Variants in RANGAP1 observed in about 807,000 individuals in gnomAD.
The protein encoded by RANGAP1 is ran GTPase-activating protein 1.
RANGAP1 carries 38 observed loss-of-function variants against 63.5 expected under a neutral mutation model. The ratio of observed to expected loss-of-function variants is 0.60; its 90% confidence interval spans 0.46 to 0.78. The LOEUF (loss-of-function observed/expected upper bound fraction) is 0.78. Among genes scored for constraint, RANGAP1 ranks in the 30% least tolerant of loss-of-function variants. The pLI, the probability that RANGAP1 is intolerant of heterozygous loss-of-function variation, is 0.00. For synonymous variants in RANGAP1, 329 were observed against 310.5 expected (o/e 1.06, Z -0.63); for missense variants, 630 against 740.3 (o/e 0.85, Z 1.73).
At position 41,245,860 on chromosome 22, in the gene RANGAP1, C is replaced by G. The variant is rs998867407; in HGVS notation, c.*743G>C. ...ACAGCTTTGGGTTGTCAACACTCCCCCTCCAGCCAGGCCAGTCACAGACGA... is the reference window on the plus strand; with the variant it reads ...ACAGCTTTGGGTTGTCAACACTCCCGCTCCAGCCAGGCCAGTCACAGACGA... On this transcript the variant is annotated 3_prime_UTR_variant, in exon 16 of 16. Coordinates refer to ENST00000356244, the MANE Select transcript of RANGAP1 (RefSeq NM_002883.4). 2 of 152,660 alleles carry G rather than the reference C, an allele frequency of 1.3e-5. No individual in the cohort carries two copies. Among genetic ancestry groups the G allele is most frequent in the African/African-American group, 2.4e-5 (1 of 41,450 alleles). 9.5% of individuals were successfully genotyped at this position (152,660 alleles called of 1,614,324 possible). A position where few individuals can be genotyped will look rare whatever the true frequency, so the allele number is the denominator to read the frequency against.
intron 2 of RANGAP1, among the ~76,000 whole-genome samples, chr22:41,277,299 C>T (rs573434644): frequency 4.0e-5 from 6 of 151,896 alleles, no homozygotes; most frequent in African/African-American, 7.2e-5. Context: ...AGGATGGTCT[C>T]GATCTCCTGA....
Position 41,254,434 on chromosome 22 carries a change from T to C in RANGAP1, c.1134A>G (p.Glu378=), listed in dbSNP as rs767378197. 14 of 1,611,856 alleles carry C rather than the reference T, an allele frequency of 8.7e-6. No homozygotes were observed. The East Asian group carries it at 8.9e-5, about 10-fold the overall frequency. The change falls in exon 11 of 16, where the codon GAA becomes GAG. Residue 378 remains glutamate, a synonymous_variant. Coordinates refer to ENST00000356244, the MANE Select transcript of RANGAP1 (RefSeq NM_002883.4). ...CCTCTTCCTCATCTTCCTCCTCCTCTTCTTCTGCTTCCTCTTCTTCCTCTT... is the reference window on the plus strand; with the variant it reads ...CCTCTTCCTCATCTTCCTCCTCCTCCTCTTCTGCTTCCTCTTCTTCCTCTT... ...EGEEEEEEAE[E]EEEEDEEEEE...
intron 2 of RANGAP1, among the ~76,000 whole-genome samples, chr22:41,278,604 A>G (rs1178206049): frequency 6.6e-6 from 1 of 152,256 alleles, no homozygotes; most frequent in African/African-American, 2.4e-5. Flanking sequence ...TAGGGATTTC[A>G]CTGAACCTCT....
At chr22:41,248,779 G>A (rs760137102) in intron 15 of RANGAP1, among the ~76,000 whole-genome samples, 22 of 152,174 alleles carry the variant, frequency 1.4e-4, no homozygotes, top group Non-Finnish European at 1.3e-4. Flanking sequence ...TCAATGCCCC[G>A]GGACACCCCA....
At chr22:41,254,631 A>C (rs1272975232) in intron 10 of RANGAP1, 137 bp from the exon 11 acceptor site, 45 of 1,482,766 alleles carry the variant, frequency 3.0e-5, no homozygotes, top group Non-Finnish European at 3.9e-5. Context: ...ACCTGCTCCC[A>C]GGGCAGGGGC....
At position 41,249,333 on chromosome 22, in the gene RANGAP1, G is replaced by A; in HGVS notation, c.1691C>T (p.Thr564Ile). The A allele has an allele frequency of 1.2e-6, 2 of 1,600,746 alleles. No individual in the cohort carries two copies. The highest frequency in any genetic ancestry group is 1.3e-5 in the African/African-American group (1 of 74,906). Reference sequence around the variant, plus strand: ...AGAAGGACAAGGCCACACTCACTTGGTCACGAACGCCAGCAGCAGGGGTGC... The same window carrying A: ...AGAAGGACAAGGCCACACTCACTTGATCACGAACGCCAGCAGCAGGGGTGC... ...ALAPLLLAFVTKPNSALESCS... is the reference protein window; with the variant it reads ...ALAPLLLAFVIKPNSALESCS... Residue 564 changes from threonine to isoleucine, a missense_variant, in exon 15 of 16, where the codon ACC (threonine) becomes ATC (isoleucine). Physicochemically the swap from Thr to Ile is moderately conservative, Grantham distance 89. This residue lies in a region of RANGAP1 where 428 missense variants were observed against 465.5 expected (regional missense o/e 0.92). Coordinates refer to ENST00000356244, the MANE Select transcript of RANGAP1 (RefSeq NM_002883.4).
chr22:41,292,583 A>AC, the RANGAP1 span, among the ~76,000 whole-genome samples: 2 of 149,206 alleles, frequency 1.3e-5, no homozygotes, highest in South Asian at 4.3e-4. Flanking sequence ...ACATGGTGAA[A>AC]CCCCGTCTCT....
chr22:41,252,538 G>A (rs548504870), intron 12 of RANGAP1, among the ~76,000 whole-genome samples: 12 of 152,274 alleles, frequency 7.9e-5, no homozygotes, highest in African/African-American at 2.9e-4. Flanking sequence ...CAACAGAGTT[G>A]TTCTCGAAGC....
chr22:41,277,563 G>A, intron 2 of RANGAP1: 3 of 1,121,994 alleles, frequency 2.7e-6, no homozygotes, highest in Non-Finnish European at 3.5e-6. Context: ...GGGAGATAAA[G>A]TTTGAACTTG....
At chr22:41,296,367 C>T in the RANGAP1 span, among the ~76,000 whole-genome samples, 2 of 152,136 alleles carry the variant, frequency 1.3e-5, no homozygotes, top group Admixed American at 6.5e-5. Context: ...ACAAACAAGG[C>T]TGGGTGAGGT....
chr22:41,279,577 G>A (rs1390660658), intron 2 of RANGAP1, among the ~76,000 whole-genome samples: 2 of 151,838 alleles, frequency 1.3e-5, no homozygotes, highest in Non-Finnish European at 2.9e-5. Flanking sequence ...CCCAGGCAGA[G>A]GTTAAAGTGA....
upstream of RANGAP1, among the ~76,000 whole-genome samples, chr22:41,289,983 T>C (rs1341008332): frequency 6.6e-6 from 1 of 151,954 alleles, no homozygotes; most frequent in African/African-American, 2.4e-5. Flanking sequence ...CTGTCTCTAC[T>C]AAAAACAATT....
intron 2 of RANGAP1, among the ~76,000 whole-genome samples, chr22:41,275,708 G>A (rs1397964464): frequency 6.6e-6 from 1 of 151,788 alleles, no homozygotes; most frequent in Non-Finnish European, 1.5e-5. Context: ...GAACCTGGGA[G>A]GCGGAAGTTG....
intron 1 of RANGAP1, chr22:41,282,067 T>C (rs1601721390): frequency 6.6e-6 from 1 of 152,316 alleles, no homozygotes; most frequent in South Asian, 2.1e-4. Context: ...GAGGCTACAG[T>C]GAGCCATGAT....
intron 12 of RANGAP1, among the ~76,000 whole-genome samples, chr22:41,251,581 G>A (rs993570804): frequency 1.8e-4 from 27 of 149,920 alleles, no homozygotes; most frequent in African/African-American, 6.4e-4. Context: ...AGCCATGATT[G>A]CACCACTGCA....
chr22:41,278,056 T>TG (rs1374902153), intron 2 of RANGAP1, among the ~76,000 whole-genome samples: 1 of 151,180 alleles, frequency 6.6e-6, no homozygotes, highest in Admixed American at 6.6e-5. Flanking sequence ...TTTTTTTTTT[T>TG]GAGATAGTCT....
chr22:41,274,399 C>A (rs543535726), intron 3 of RANGAP1, among the ~76,000 whole-genome samples: 2 of 152,370 alleles, frequency 1.3e-5, no homozygotes, highest in Admixed American at 1.3e-4. Context: ...CACCCCAACA[C>A]CCTCTCAAGG....
intron 7 of RANGAP1, 45 bp from the exon 8 acceptor site, chr22:41,256,869 C>T: frequency 6.6e-7 from 1 of 1,526,162 alleles, no homozygotes; most frequent in Non-Finnish European, 9.0e-7. Flanking sequence ...GCAGACCACA[C>T]CCCAGCCCTC....
upstream of RANGAP1, among the ~76,000 whole-genome samples, chr22:41,288,884 C>T (rs1388899474): frequency 6.6e-6 from 1 of 151,582 alleles, no homozygotes; most frequent in Non-Finnish European, 1.5e-5. Flanking sequence ...TGACAGCACC[C>T]CCTAGCAATC....
Sources: allele counts gnomAD v4.1 joint callset (sites outside exome capture counted in the v4.1 genomes callset), GRCh38; gene constraint gnomAD v4.1.1; regional missense constraint gnomAD v4.1.1; transcripts MANE v1.5; gene names NCBI Gene and HGNC (gene_info 2026-07-23, HGNC 2026-07-21).